The following CRAMP1 variants were observed in gnomAD, a reference collection of about 807,000 sequenced individuals.
CRAMP1 encodes protein cramped-like.
A neutral mutation model predicts 115.4 loss-of-function variants in CRAMP1; 50 were observed. The observed-to-expected ratio is 0.43, with a 90% CI of 0.35 to 0.55. The LOEUF is 0.55. Ranked by LOEUF, CRAMP1 falls within the 20% of genes least tolerant of loss-of-function variation. The pLI is 0.01. For synonymous variants in CRAMP1, 866 were observed against 745.4 expected (o/e 1.16, Z -2.64); for missense variants, 1,679 against 1,721.7 (o/e 0.98, Z 0.44).
intron 10 of CRAMP1, 50 bp from the exon 11 acceptor site, chr16:1,659,836 C>G: frequency 6.4e-7 from 1 of 1,550,552 alleles, no homozygotes; most frequent in Non-Finnish European, 8.9e-7. Context: ...ACGCAAGAGC[C>G]ATTTCTCATG....
At chr16:1,647,701 A>G (rs1463288133) in intron 6 of CRAMP1, among the ~76,000 whole-genome samples, 1 of 143,080 alleles carries the variant, frequency 7.0e-6, no homozygotes, top group South Asian at 2.5e-4. Context: ...GTGAGCTGAG[A>G]TGGCACCACT....
chr16:1,668,871 A>G, intron 18 of CRAMP1, 130 bp from the exon 19 acceptor site: 1 of 831,540 alleles, frequency 1.2e-6, no homozygotes, highest in Non-Finnish European at 1.9e-6. Context: ...CTGCCGAGCC[A>G]TGCCATCCAT....
In CRAMP1 at chr16:1,655,922, C is replaced by A. The variant is rs2036767570; in HGVS notation, c.1165C>A (p.Pro389Thr). Residue 389 changes from proline to threonine, a missense_variant, in exon 10 of 21, where the codon CCG becomes ACG. Pro to Thr is a conservative substitution (Grantham distance 38, BLOSUM62 -1). This residue lies in a region of CRAMP1 where 191 missense variants were observed against 236.2 expected (regional missense o/e 0.81). Coordinates refer to ENST00000397412, the MANE Select transcript of CRAMP1 (RefSeq NM_020825.4). The part of the protein sequence containing the change: ...ERQLQDSCSA[P>T]MQEKVTLHLF... ...GCAGCTGCAGGACTCATGCTCCGCA[C>A]CGATGCAGGAGAAGGTGACACTGCA... The A allele has an allele frequency of 1.2e-6, 2 of 1,612,942 alleles. No homozygotes were observed. Among genetic ancestry groups the A allele is most frequent in the Non-Finnish European group, 1.7e-6 (2 of 1,179,726 alleles).
intron 9 of CRAMP1, 50 bp from the exon 10 acceptor site, chr16:1,655,827 A>G (rs766095569): frequency 6.4e-7 from 1 of 1,564,850 alleles, no homozygotes; most frequent in African/African-American, 1.3e-5. Context: ...CCTGGTCAGC[A>G]TCCCGACCTC....
chr16:1,615,577 G>T (rs991693634), intron 2 of CRAMP1, among the ~76,000 whole-genome samples: 1 of 152,156 alleles, frequency 6.6e-6, no homozygotes, highest in African/African-American at 2.4e-5. Flanking sequence ...TGGTGAAAAC[G>T]ATTGACATGA....
chr16:1,641,726 A>T (rs2036633801), intron 6 of CRAMP1, among the ~76,000 whole-genome samples: 1 of 152,198 alleles, frequency 6.6e-6, no homozygotes. Context: ...ACATCTGCCC[A>T]GTTGCTGCTG....
chr16:1,619,639 A>T (rs1008018952), intron 2 of CRAMP1, among the ~76,000 whole-genome samples: 46 of 152,210 alleles, frequency 3.0e-4, no homozygotes, highest in African/African-American at 1.1e-3. Flanking sequence ...TTTTATACAA[A>T]CAGTGGAGTT....
Position 1,621,180 on chromosome 16 carries a change from G to A in CRAMP1, c.347-4793G>A, listed in dbSNP as rs781316911. Among the ~76,000 whole-genome samples the A allele has an allele frequency of 8.3e-4, 126 of 152,276 alleles. 1 individual carries two copies. Among genetic ancestry groups the A allele is most frequent in the Non-Finnish European group, 1.4e-3 (92 of 68,018 alleles). On this transcript the variant is annotated intron_variant, in intron 2 of 20. Transcript: ENST00000397412. ...GATATGGATACTTTTTCTTCTTAAG[G>A]TGATATGAAGGGGTGCAGGTGGTGG...
At position 1,676,860 on chromosome 16, in the gene CRAMP1, C is replaced by G. The variant is rs1402249540; in HGVS notation, c.*2815C>G. On this transcript the variant is annotated 3_prime_UTR_variant, in exon 21 of 21. Coordinates refer to ENST00000397412, the MANE Select transcript of CRAMP1 (RefSeq NM_020825.4). Reference sequence around the variant, plus strand: ...GTGTCTTGTAGCTGTAGGGTGCCAGCTCAGGGAGTGGGGTGTTGGCGGCGT... The same window carrying G: ...GTGTCTTGTAGCTGTAGGGTGCCAGGTCAGGGAGTGGGGTGTTGGCGGCGT... 1 of 152,280 alleles carries G rather than the reference C, an allele frequency of 6.6e-6. No individual in the cohort carries two copies. Among genetic ancestry groups the G allele is most frequent in the Non-Finnish European group, 1.5e-5 (1 of 68,082 alleles). The allele number at this position is 152,280 out of a possible 1,614,324, so 9.4% of individuals were successfully genotyped here.
chr16:1,677,077 T>C lies in CRAMP1; in HGVS notation c.*3032T>C. The C allele has an allele frequency of 6.7e-6, 1 of 149,676 alleles. No homozygotes were observed. The highest frequency in any genetic ancestry group is 1.9e-4 in the East Asian group (1 of 5,202). The allele number at this position is 149,676 out of a possible 1,614,324, so 9.3% of individuals were successfully genotyped here. A position where few individuals can be genotyped will look rare whatever the true frequency, so the allele number is the denominator to read the frequency against. ...CGGGAATGAGGGAGGAGGAAGACAG[T>C]TGTGTTTTCTCTTTAAACCTTGAGC... On this transcript the variant is annotated 3_prime_UTR_variant, in exon 21 of 21. Coordinates refer to ENST00000397412, the MANE Select transcript of CRAMP1 (RefSeq NM_020825.4).
At chr16:1,652,615 G>A (rs371900146) in intron 7 of CRAMP1, 34 bp downstream of exon 7, 22 of 1,519,976 alleles carry the variant, frequency 1.4e-5, no homozygotes, top group African/African-American at 2.8e-5. Context: ...GACCAGAGGC[G>A]GTGCCCATGG....
chr16:1,669,231 C>A lies in CRAMP1; in HGVS notation c.3499+66C>A. ...AGCAGGGGCTGGGGTCTGCGGGACA[C>A]TGGATTCTCATTCTACTCAAACTCC... On this transcript the variant is annotated intron_variant, in intron 19 of 20. Transcript: ENST00000397412. The surrounding 1 kb of genome is among the most constrained non-coding windows in gnomAD (Gnocchi z 4.6). 7.8e-7 allele frequency: 1 copy of A among 1,278,582 alleles called. No individual in the cohort carries two copies. Among genetic ancestry groups the A allele is most frequent in the Non-Finnish European group, 1.1e-6 (1 of 942,868 alleles). 79.2% of individuals were successfully genotyped at this position (1,278,582 alleles called of 1,614,324 possible).
At chr16:1,643,787 A>C (rs968961509) in intron 6 of CRAMP1, among the ~76,000 whole-genome samples, 3 of 152,246 alleles carry the variant, frequency 2.0e-5, no homozygotes, top group Non-Finnish European at 4.4e-5. Context: ...GGAGCCTGGC[A>C]TGGGTCCCCA....
Position 1,656,872 on chromosome 16 carries a change from C to T in CRAMP1, c.2115C>T (p.Tyr705=), listed in dbSNP as rs576569851. ...AGCCCAGCAAGCTGCAGCTGGAGTA[C>T]GACTGGCTGGGGCCCGGCCGCCAGG... ...MGKPSKLQLE[Y]DWLGPGRQDP... The change falls in exon 10 of 21, where the codon TAC becomes TAT. Residue 705 remains tyrosine, a synonymous_variant. Coordinates refer to ENST00000397412, the MANE Select transcript of CRAMP1 (RefSeq NM_020825.4). This position sits in a 1 kb window ranked among gnomAD's most constrained non-coding sequence, Gnocchi z 5.6. 5.7e-5 allele frequency: 88 copies of T among 1,551,528 alleles called. No individual in the cohort carries two copies. The highest frequency in any genetic ancestry group is 1.7e-4 in the Middle Eastern group (1 of 5,950).
At chr16:1,646,803 C>T (rs1026212360) in intron 6 of CRAMP1, among the ~76,000 whole-genome samples, 3 of 152,206 alleles carry the variant, frequency 2.0e-5, no homozygotes, top group Non-Finnish European at 2.9e-5. Context: ...ACATTTAAAT[C>T]CATGATCTGC....
chr16:1,614,852 G>T lies in CRAMP1; in HGVS notation c.213G>T (p.Pro71=). The T allele has an allele frequency of 7.7e-7, 1 of 1,293,678 alleles. No homozygotes were observed. 80.1% of individuals were successfully genotyped at this position (1,293,678 alleles called of 1,614,324 possible). A position where few individuals can be genotyped will look rare whatever the true frequency, so the allele number is the denominator to read the frequency against. ...APPGAPQAPS[P]PQGSPQDQHH... is the part of the protein sequence containing the mutation. Reference sequence around the variant, plus strand: ...CCGGCGCGCCGCAGGCGCCGTCCCCGCCGCAGGGCAGCCCCCAGGACCAGC... The same window carrying T: ...CCGGCGCGCCGCAGGCGCCGTCCCCTCCGCAGGGCAGCCCCCAGGACCAGC... Residue 71 remains proline (P), a synonymous_variant, in exon 2 of 21, where the codon CCG becomes CCT. Coordinates refer to ENST00000397412, the MANE Select transcript of CRAMP1 (RefSeq NM_020825.4). The surrounding 1 kb of genome is among the most constrained non-coding windows in gnomAD (Gnocchi z 4.4).
intron 2 of CRAMP1, among the ~76,000 whole-genome samples, chr16:1,624,352 G>A (rs1222505260): frequency 6.6e-6 from 1 of 152,052 alleles, no homozygotes; most frequent in Non-Finnish European, 1.5e-5. Flanking sequence ...GATCTGGATG[G>A]AAAAGCCTGT....
intron 2 of CRAMP1, among the ~76,000 whole-genome samples, chr16:1,616,063 C>A (rs1444483749): frequency 6.6e-6 from 1 of 152,168 alleles, no homozygotes; most frequent in Non-Finnish European, 1.5e-5. Context: ...TGGCCTTACT[C>A]ATTGGTAAAG....
chr16:1,671,968 T>C lies in CRAMP1; in HGVS notation c.3645+1159T>C, dbSNP rs2036926797. On this transcript the variant is annotated intron_variant, in intron 20 of 20. Transcript: ENST00000397412. The surrounding 1 kb of genome is among the most constrained non-coding windows in gnomAD (Gnocchi z 5.0). ...CAAACCTGTTTGGCCCCAGAATCATTATTCAGGGCACACCTTGGACTCTGA... is the reference window on the plus strand; with the variant it reads ...CAAACCTGTTTGGCCCCAGAATCATCATTCAGGGCACACCTTGGACTCTGA... Among the ~76,000 whole-genome samples the C allele has an allele frequency of 1.3e-5, 2 of 152,184 alleles. No homozygotes were observed. Among genetic ancestry groups the C allele is most frequent in the African/African-American group, 2.4e-5 (1 of 41,442 alleles).
Sources: gnomAD v4.1 joint callset for allele counts (sites outside exome capture counted in the v4.1 genomes callset) on GRCh38, gnomAD v4.1.1 for gene constraint, gnomAD v4.1.1 regional missense constraint, Gnocchi (gnomAD v3.1) non-coding constraint, MANE v1.5 for transcripts, NCBI Gene and HGNC (gene_info 2026-07-23, HGNC 2026-07-21) for gene names.